The following ANKS1A variants were observed in gnomAD, a reference collection of about 807,000 sequenced individuals.
ANKS1A encodes ankyrin repeat and sterile alpha motif domain containing 1A.
Under a neutral mutation model 120.3 loss-of-function variants are expected in ANKS1A, and 55 were observed. The ratio of observed to expected loss-of-function variants is 0.46; its 90% confidence interval spans 0.37 to 0.57. The LOEUF (loss-of-function observed/expected upper bound fraction) is 0.57. ANKS1A is among the 20% of genes least tolerant of loss of function. ANKS1A has a pLI of 0.00. For missense variants in ANKS1A, 1,123 were observed against 1,480.3 expected (o/e 0.76, Z 3.96); for synonymous variants, 590 against 604.7 (o/e 0.98, Z 0.36).
rs1766661203 is a variant in ANKS1A, at chr6:34,889,263, G to T, written c.-140G>T. ...TGACGCCGGATCCCGGAAGTGACGCGCTCGTGGGGAAAAGGCAGGGAGGGG... is the reference window on the plus strand; with the variant it reads ...TGACGCCGGATCCCGGAAGTGACGCTCTCGTGGGGAAAAGGCAGGGAGGGG... On this transcript the variant is annotated 5_prime_UTR_variant, in exon 1 of 24. Transcript: ENST00000360359. The surrounding 1 kb of genome is among the most constrained non-coding windows in gnomAD (Gnocchi z 5.5). 1 of 1,151,102 alleles carries T rather than the reference G, an allele frequency of 8.7e-7. No homozygotes were observed. Among genetic ancestry groups the T allele is most frequent in the Non-Finnish European group, 1.1e-6 (1 of 918,446 alleles). The allele number at this position is 1,151,102 out of a possible 1,614,324, so 71.3% of individuals were successfully genotyped here.
chr6:34,980,467 A>G (rs1268255061), intron 3 of ANKS1A, among the ~76,000 whole-genome samples: 2 of 152,256 alleles, frequency 1.3e-5, no homozygotes, highest in Non-Finnish European at 2.9e-5. Context: ...CCAGATCAAA[A>G]GCAGATGGAA....
At chr6:35,077,100 T>C (rs1357647657) in intron 13 of ANKS1A, among the ~76,000 whole-genome samples, 3 of 152,194 alleles carry the variant, frequency 2.0e-5, no homozygotes, top group Non-Finnish European at 4.4e-5. Flanking sequence ...GGAGACTCTT[T>C]CCCTGCTGTG....
chr6:34,936,950 G>A (rs966131424), intron 1 of ANKS1A, among the ~76,000 whole-genome samples: 1 of 152,158 alleles, frequency 6.6e-6, no homozygotes, highest in Admixed American at 6.5e-5. Flanking sequence ...ATACAAAGAT[G>A]AATCTCATGT....
At position 35,090,093 on chromosome 6, in the gene ANKS1A, A is replaced by G; in HGVS notation, c.*1484A>G. On this transcript the variant is annotated 3_prime_UTR_variant, in exon 24 of 24. Coordinates refer to ENST00000360359, the MANE Select transcript of ANKS1A (RefSeq NM_015245.3). ...TAGAGGCCAGGCCTTGTGGGTTTCT[A>G]TCTGCTAAGCACCCAGCAGGTTGGG... 3.1e-6 allele frequency: 4 copies of G among 1,286,864 alleles called. No individual in the cohort carries two copies. Among genetic ancestry groups the G allele is most frequent in the Non-Finnish European group, 4.1e-6 (4 of 987,152 alleles). 79.7% of individuals were successfully genotyped at this position (1,286,864 alleles called of 1,614,324 possible).
intron 3 of ANKS1A, among the ~76,000 whole-genome samples, chr6:34,971,454 T>G (rs1353251210): frequency 6.6e-6 from 1 of 152,218 alleles, no homozygotes; most frequent in Admixed American, 6.5e-5. Context: ...TGTGCAAGTT[T>G]GAGAGGAGAC....
At chr6:34,925,479 AC>A (rs1191984746) in intron 1 of ANKS1A, among the ~76,000 whole-genome samples, 4 of 152,216 alleles carry the variant, frequency 2.6e-5, no homozygotes, top group Admixed American at 6.5e-5. Flanking sequence ...AAACTGTTGG[AC>A]CCGGGGTAAG....
At chr6:35,018,875 A>T (rs1774185431) in intron 11 of ANKS1A, among the ~76,000 whole-genome samples, 1 of 152,100 alleles carries the variant, frequency 6.6e-6, no homozygotes, top group South Asian at 2.1e-4. Context: ...TCTTTTTTAT[A>T]GCTGCAAGAG....
downstream of ANKS1A, among the ~76,000 whole-genome samples, chr6:35,092,382 C>T (rs1302391632): frequency 6.6e-6 from 1 of 152,150 alleles, no homozygotes; most frequent in East Asian, 1.9e-4. Flanking sequence ...TAAAACTTAA[C>T]CTCTTTTATT....
At chr6:35,030,606 T>A (rs1177059577) in intron 11 of ANKS1A, among the ~76,000 whole-genome samples, 1 of 152,232 alleles carries the variant, frequency 6.6e-6, no homozygotes, top group African/African-American at 2.4e-5. Context: ...CAACTTTTGC[T>A]TGTAAACCAC....
chr6:35,079,952 G>C, intron 16 of ANKS1A, 24 bp downstream of exon 16: 1 of 1,549,638 alleles, frequency 6.5e-7, no homozygotes, highest in South Asian at 1.2e-5. Context: ...GGACAGAAAG[G>C]AATGTATGTT....
At chr6:34,903,982 C>G (rs983804275) in intron 1 of ANKS1A, among the ~76,000 whole-genome samples, 1 of 152,152 alleles carries the variant, frequency 6.6e-6, no homozygotes, top group Non-Finnish European at 1.5e-5. Flanking sequence ...GGCTGAAGAA[C>G]ATTTTCTGAT....
At chr6:35,043,757 C>T (rs933104862) in intron 11 of ANKS1A, among the ~76,000 whole-genome samples, 3 of 152,298 alleles carry the variant, frequency 2.0e-5, no homozygotes, top group Non-Finnish European at 4.4e-5. Context: ...CCCTTTCTTC[C>T]AATGTAGATC....
At position 35,086,812 on chromosome 6, in the gene ANKS1A, C is replaced by T. The variant is rs984596137; in HGVS notation, c.3304-140C>T. ...TCCCTCCTCCGCCTGCCCCCAGGGG[C>T]CTGCTCTTTGGCCGAGGAGAATAAG... is the stretch of plus-strand genomic sequence containing the variant. On this transcript the variant is annotated intron_variant, in intron 22 of 23. Transcript: ENST00000360359. The surrounding 1 kb of genome is among the most constrained non-coding windows in gnomAD (Gnocchi z 5.1). The T allele has an allele frequency of 8.4e-6, 7 of 835,654 alleles. No homozygotes were observed. Among genetic ancestry groups the T allele is most frequent in the South Asian group, 3.0e-5 (2 of 66,924 alleles). 51.8% of individuals were successfully genotyped at this position (835,654 alleles called of 1,614,324 possible).
chr6:34,963,782 C>T (rs1449814459), intron 1 of ANKS1A, among the ~76,000 whole-genome samples: 1 of 152,094 alleles, frequency 6.6e-6, no homozygotes, highest in Non-Finnish European at 1.5e-5. Context: ...TAACACTTAC[C>T]TTTTGTCTTT....
intron 1 of ANKS1A, among the ~76,000 whole-genome samples, chr6:34,935,050 T>G (rs954214342): frequency 3.3e-5 from 5 of 152,242 alleles, no homozygotes; most frequent in African/African-American, 1.2e-4. Flanking sequence ...TTAGGAGATT[T>G]AACTCTGTTT....
At chr6:34,987,758 T>C (rs1017248775) in intron 8 of ANKS1A, among the ~76,000 whole-genome samples, 1 of 152,236 alleles carries the variant, frequency 6.6e-6, no homozygotes, top group African/African-American at 2.4e-5. Context: ...TCCTAAAACA[T>C]GAGAAACATC....
intron 11 of ANKS1A, chr6:35,038,280 G>C: frequency 4.4e-6 from 2 of 456,692 alleles, no homozygotes; most frequent in South Asian, 1.5e-5. Flanking sequence ...CTGGCACATT[G>C]TTTGCATGCC....
chr6:35,065,935 C>T (rs1188540989), intron 13 of ANKS1A, among the ~76,000 whole-genome samples: 1 of 152,204 alleles, frequency 6.6e-6, no homozygotes, highest in Non-Finnish European at 1.5e-5. Context: ...CCACCCTGCT[C>T]TCTATGAAGC....
At chr6:35,091,432 T>C, downstream of ANKS1A, 1 of 985,372 alleles carries the variant, frequency 1.0e-6, no homozygotes, top group Non-Finnish European at 1.2e-6. Flanking sequence ...AGTCTTTGAA[T>C]TGGAAAGCGT....
Sources: allele counts gnomAD v4.1 joint callset (sites outside exome capture counted in the v4.1 genomes callset), GRCh38; gene constraint gnomAD v4.1.1; non-coding constraint Gnocchi (gnomAD v3.1); transcripts MANE v1.5; gene names NCBI Gene and HGNC (gene_info 2026-07-23, HGNC 2026-07-21).